NCAPG2: variants seen among roughly 807,000 people sequenced by gnomAD.
NCAPG2 encodes condensin-2 complex subunit G2.
A neutral mutation model predicts 141.1 loss-of-function variants in NCAPG2; 53 were observed. The ratio of observed to expected loss-of-function variants is 0.38; its 90% CI spans 0.30 to 0.47. NCAPG2 has a LOEUF of 0.47. Among genes scored for constraint, NCAPG2 ranks in the 20% least tolerant of loss-of-function variants. NCAPG2 has a pLI of 0.99. For synonymous variants in NCAPG2, 499 were observed against 490.7 expected (o/e 1.02, Z -0.22); for missense variants, 1,087 against 1,389.0 (o/e 0.78, Z 3.46).
intron 8 of NCAPG2, among the ~76,000 whole-genome samples, chr7:158,685,240 C>T (rs149136267): frequency 1.6e-3 from 243 of 152,168 alleles, no homozygotes; most frequent in African/African-American, 5.4e-3. Flanking sequence ...ATGTATTCAC[C>T]AGAGTTACCC....
chr7:158,648,516 C>T (rs200770878), intron 24 of NCAPG2, among the ~76,000 whole-genome samples: 1 of 145,692 alleles, frequency 6.9e-6, no homozygotes, highest in African/African-American at 2.5e-5. Flanking sequence ...AAAGAATGGA[C>T]TATAACCACG....
At chr7:158,704,233 G>A (rs1587329895) in intron 1 of NCAPG2, among the ~76,000 whole-genome samples, 1 of 143,248 alleles carries the variant, frequency 7.0e-6, no homozygotes, top group South Asian at 2.3e-4. Context: ...CCCATGCCCA[G>A]GACTGAGGGG....
chr7:158,687,171 T>G (rs1201333236), intron 7 of NCAPG2, among the ~76,000 whole-genome samples, 177 bp downstream of exon 7: 1 of 152,200 alleles, frequency 6.6e-6, no homozygotes, highest in Non-Finnish European at 1.5e-5. Flanking sequence ...TGGTCAATAC[T>G]GGAAAAGAAT....
chr7:158,635,316 A>G (rs1484229787), intron 27 of NCAPG2, among the ~76,000 whole-genome samples: 2 of 152,200 alleles, frequency 1.3e-5, no homozygotes, highest in African/African-American at 4.8e-5. Flanking sequence ...ATATTCATTT[A>G]TCAATACCTG....
At chr7:158,645,484 C>T (rs567107711) in intron 26 of NCAPG2, 35 bp downstream of exon 26, 2 of 1,576,290 alleles carry the variant, frequency 1.3e-6, no homozygotes, top group South Asian at 1.1e-5. Flanking sequence ...GGTGCACCAG[C>T]CACCTTCCAG....
intron 16 of NCAPG2, among the ~76,000 whole-genome samples, chr7:158,661,934 C>T (rs1832542349): frequency 2.0e-5 from 3 of 152,136 alleles, no homozygotes; most frequent in South Asian, 4.1e-4. Context: ...CGCTGACCAT[C>T]GGAGGCAGAA....
chr7:158,693,723 A>C (rs1239767886), intron 2 of NCAPG2, among the ~76,000 whole-genome samples: 1 of 152,176 alleles, frequency 6.6e-6, no homozygotes, highest in Non-Finnish European at 1.5e-5. Context: ...CCACTTAGCA[A>C]AACCCTCCCT....
chr7:158,631,771 C>T (rs1829905341), intron 27 of NCAPG2, 54 bp from the exon 28 acceptor site: 9 of 1,358,118 alleles, frequency 6.6e-6, no homozygotes. Context: ...CCAAATTATC[C>T]AAATGTACAT....
At position 158,633,403 on chromosome 7, in the gene NCAPG2, C is replaced by T. The variant is rs934621276; in HGVS notation, c.3381-1686G>A. On this transcript the variant is annotated intron_variant, in intron 27 of 27. Transcript: ENST00000356309. The surrounding 1 kb of genome is among the most constrained non-coding windows in gnomAD (Gnocchi z 4.1). Reference sequence around the variant, plus strand: ...TCAAAGACTCTTATTACTCACCCACCACTATCACTCTGGAAGCGCCTGGGC... The same window carrying T: ...TCAAAGACTCTTATTACTCACCCACTACTATCACTCTGGAAGCGCCTGGGC... 6.6e-6 allele frequency among the ~76,000 whole-genome samples: 1 copy of T among 152,214 alleles called. No individual in the cohort carries two copies. The highest frequency in any genetic ancestry group is 1.5e-5 in the Non-Finnish European group (1 of 68,036).
intron 13 of NCAPG2, chr7:158,665,417 G>A (rs1459659233): frequency 6.6e-6 from 1 of 152,262 alleles, no homozygotes; most frequent in Non-Finnish European, 1.5e-5. Flanking sequence ...AGAAATCCAA[G>A]ACAAAAGAAA....
intron 24 of NCAPG2, among the ~76,000 whole-genome samples, chr7:158,647,054 G>A (rs984420509): frequency 4.0e-5 from 6 of 151,418 alleles, no homozygotes; most frequent in South Asian, 2.1e-4. Context: ...AAAGATAAAC[G>A]AAAGTGTTTA....
Position 158,655,201 on chromosome 7 carries a change from C to G in NCAPG2, c.2563G>C (p.Glu855Gln). Residue 855 changes from glutamate (E) to glutamine (Q), a missense_variant, in exon 21 of 28, where the codon GAA becomes CAA. Transcript: ENST00000356309. Reference protein sequence around the residue: ...SMLEDTGFWLESKILSFIQDQ... With the variant: ...SMLEDTGFWLQSKILSFIQDQ... ...TGAATAAAAGATAAAATTTTGCTTT[C>G]TAACCAAAAGCCAGTGTCTTCCAAC... 2 of 1,614,100 alleles carry G rather than the reference C, an allele frequency of 1.2e-6. No homozygotes were observed. The highest frequency in any genetic ancestry group is 8.5e-7 in the Non-Finnish European group (1 of 1,180,002).
chr7:158,667,422 GGT>G, intron 13 of NCAPG2, among the ~76,000 whole-genome samples: 3 of 90,116 alleles, frequency 3.3e-5, no homozygotes, highest in South Asian at 3.5e-4. Flanking sequence ...CCCACTACTG[GGT>G]CCCTCCGCCC....
chr7:158,699,231 C>G (rs1021156699), intron 2 of NCAPG2, among the ~76,000 whole-genome samples: 8 of 152,162 alleles, frequency 5.3e-5, no homozygotes, highest in African/African-American at 1.9e-4. Context: ...GCACTTAGGA[C>G]ATGTTTGTTA....
At chr7:158,667,058 G>C in intron 13 of NCAPG2, 1 of 899,102 alleles carries the variant, frequency 1.1e-6, no homozygotes, top group Non-Finnish European at 1.3e-6. Context: ...CCTCTGGCCA[G>C]CCAGACTGCC....
chr7:158,689,150 TAAAGA>T (rs1284858008), intron 6 of NCAPG2, among the ~76,000 whole-genome samples: 1 of 152,122 alleles, frequency 6.6e-6, no homozygotes, highest in East Asian at 1.9e-4. Flanking sequence ...TTAACAAAAG[TAAAGA>T]AGATTAATTT....
At chr7:158,676,867 CAA>C (rs1191485550) in intron 11 of NCAPG2, among the ~76,000 whole-genome samples, 3 of 152,012 alleles carry the variant, frequency 2.0e-5, no homozygotes, top group African/African-American at 7.3e-5. Context: ...ATAATAGAAA[CAA>C]AAAGACTGAG....
chr7:158,664,132 G>A (rs1832734741), intron 15 of NCAPG2, 52 bp downstream of exon 15: 1 of 1,335,508 alleles, frequency 7.5e-7, no homozygotes, highest in Non-Finnish European at 1.1e-6. Flanking sequence ...ATGGCCCATG[G>A]GAGTGATGCC....
chr7:158,645,234 G>A (rs375626101), intron 26 of NCAPG2, among the ~76,000 whole-genome samples: 1 of 152,194 alleles, frequency 6.6e-6, no homozygotes, highest in Non-Finnish European at 1.5e-5. Flanking sequence ...GGCACAGACA[G>A]GAACACTTAA....
Sources: gnomAD v4.1 joint callset for allele counts (sites outside exome capture counted in the v4.1 genomes callset) on GRCh38, gnomAD v4.1.1 for gene constraint, Gnocchi (gnomAD v3.1) non-coding constraint, MANE v1.5 for transcripts, NCBI Gene and HGNC (gene_info 2026-07-23, HGNC 2026-07-21) for gene names.